The following HDHD5 variants were observed in gnomAD, a reference collection of about 807,000 sequenced individuals.
HDHD5 encodes the protein haloacid dehalogenase-like hydrolase domain-containing 5.
A neutral mutation model predicts 35.5 loss-of-function variants in HDHD5; 34 were observed. The observed-to-expected ratio is 0.96, with a 90% CI of 0.73 to 1.28. The LOEUF (loss-of-function observed/expected upper bound fraction) is 1.28. HDHD5 is among the 50% of genes most tolerant of loss of function. The pLI is 0.00. For missense variants in HDHD5, 589 were observed against 560.2 expected, an observed-to-expected ratio of 1.05 and a Z score of -0.52; for synonymous variants, 248 against 240.6, an observed-to-expected ratio of 1.03 and a Z score of -0.29.
chr22:17,150,897 T>C (rs2061718640), intron 1 of HDHD5, among the ~76,000 whole-genome samples: 1 of 152,220 alleles, frequency 6.6e-6, no homozygotes, highest in Non-Finnish European at 1.5e-5. Context: ...AGTGAATAAT[T>C]CACTAATATT....
upstream of HDHD5, among the ~76,000 whole-genome samples, chr22:17,160,698 C>T (rs2061857729): frequency 6.6e-6 from 1 of 151,602 alleles, no homozygotes; most frequent in Non-Finnish European, 1.5e-5. Flanking sequence ...AAGTAGTTAG[C>T]GGTGTCCTTT....
intron 1 of HDHD5, among the ~76,000 whole-genome samples, chr22:17,157,544 T>G (rs2061812753): frequency 6.6e-6 from 1 of 152,178 alleles, no homozygotes; most frequent in Non-Finnish European, 1.5e-5. Context: ...GCATTCTTCT[T>G]TTTCTGCTCT....
At chr22:17,155,705 T>C (rs563759120) in intron 1 of HDHD5, among the ~76,000 whole-genome samples, 14 of 152,130 alleles carry the variant, frequency 9.2e-5, no homozygotes, top group African/African-American at 3.1e-4. Flanking sequence ...CCCAGTACCA[T>C]AAAAAGTGAA....
intron 1 of HDHD5, among the ~76,000 whole-genome samples, chr22:17,149,991 C>T (rs2061708786): frequency 6.6e-6 from 1 of 152,160 alleles, no homozygotes; most frequent in Non-Finnish European, 1.5e-5. Context: ...GTTGCCCAGA[C>T]TGGAGTACAG....
chr22:17,162,864 A>G (rs553344303), upstream of HDHD5, among the ~76,000 whole-genome samples: 4 of 152,318 alleles, frequency 2.6e-5, no homozygotes, highest in Non-Finnish European at 5.9e-5. Context: ...CCCTAGCTCT[A>G]TCCTTTGGGC....
intron 3 of HDHD5, among the ~76,000 whole-genome samples, chr22:17,146,530 C>T (rs2061665839): frequency 7.5e-6 from 1 of 133,022 alleles, no homozygotes; most frequent in Non-Finnish European, 1.6e-5. Flanking sequence ...CACGTCATCG[C>T]ACACGCCCCA....
intron 1 of HDHD5, among the ~76,000 whole-genome samples, chr22:17,152,683 C>G (rs2061740735): frequency 6.6e-6 from 1 of 152,042 alleles, no homozygotes; most frequent in African/African-American, 2.4e-5. Flanking sequence ...AAGAACAATA[C>G]TACTTAATAA....
At position 17,137,886 on chromosome 22, in the gene HDHD5, G is replaced by A; in HGVS notation, c.*135C>T. ...TGTCTTCTTCCAAGTGACCAGTAAT[G>A]CCACACTCATGGGGCAGCAAGAAGG... On this transcript the variant is annotated 3_prime_UTR_variant, in exon 8 of 8. Coordinates refer to ENST00000336737, the MANE Select transcript of HDHD5 (RefSeq NM_033070.3). The A allele has an allele frequency of 1.5e-6, 1 of 663,616 alleles. No individual in the cohort carries two copies. The highest frequency in any genetic ancestry group is 2.6e-6 in the Non-Finnish European group (1 of 390,112). The allele number at this position is 663,616 out of a possible 1,614,324, so 41.1% of individuals were successfully genotyped here.
chr22:17,144,405 A>G (rs1233923146), intron 4 of HDHD5, among the ~76,000 whole-genome samples: 2 of 144,934 alleles, frequency 1.4e-5, no homozygotes, highest in African/African-American at 2.6e-5. Flanking sequence ...ATGCGCCACC[A>G]TATGTGGCTT....
At chr22:17,159,392 T>G, upstream of HDHD5, 1 of 968,220 alleles carries the variant, frequency 1.0e-6, no homozygotes, top group Non-Finnish European at 1.4e-6. Context: ...GTCGGGCGCC[T>G]ATGGAACTCG....
At position 17,141,181 on chromosome 22, in the gene HDHD5, G is replaced by A. The variant is rs754895790; in HGVS notation, c.624C>T (p.Ile208=). The change falls in exon 6 of 8, where the codon ATC becomes ATT. Residue 208 remains isoleucine (I), a synonymous_variant. Transcript: ENST00000336737. ...PVRWETSLQL[I]MDVLLSNGSP... ...TCCCATTGCTGAGGAGGACATCCAT[G>A]ATCAGCTGCAGGCTGGTCTCCCAGC... 1 of 1,598,142 alleles carries A rather than the reference G, an allele frequency of 6.3e-7. No homozygotes were observed.
intron 5 of HDHD5, chr22:17,141,672 C>A (rs776529498): frequency 1.2e-4 from 110 of 955,118 alleles, no homozygotes; most frequent in Non-Finnish European, 1.3e-4. Context: ...GACTTGAAAC[C>A]CAACCTGGAC....
chr22:17,158,612 CGCCG>C (rs982630584), intron 1 of HDHD5: 9 of 152,366 alleles, frequency 5.9e-5, no homozygotes, highest in African/African-American at 2.2e-4. Context: ...ACACAGCAGG[CGCCG>C]GCTCCAGCCC....
At chr22:17,157,072 C>CGT (rs2061802151) in intron 1 of HDHD5, among the ~76,000 whole-genome samples, 1 of 66,080 alleles carries the variant, frequency 1.5e-5, no homozygotes, top group African/African-American at 6.6e-5. Flanking sequence ...AGCTAGACAC[C>CGT]GTCTCACACA....
At chr22:17,148,284 G>A (rs1240568321) in intron 3 of HDHD5, among the ~76,000 whole-genome samples, 164 bp downstream of exon 3, 1 of 152,130 alleles carries the variant, frequency 6.6e-6, no homozygotes, top group Non-Finnish European at 1.5e-5. Context: ...CACCAGACAT[G>A]AGGACTGACC....
At position 17,149,678 on chromosome 22, in the gene HDHD5, G is replaced by A; in HGVS notation, c.194C>T (p.Pro65Leu). 1 of 1,614,026 alleles carries A rather than the reference G, an allele frequency of 6.2e-7. No individual in the cohort carries two copies. The highest frequency in any genetic ancestry group is 8.5e-7 in the Non-Finnish European group (1 of 1,180,038). The change falls in exon 2 of 8, where the codon CCT (proline) becomes CTT (leucine). Residue 65 changes from proline (P) to leucine (L), a missense_variant. By Grantham distance (98) the Pro-to-Leu change is moderately conservative. Coordinates refer to ENST00000336737, the MANE Select transcript of HDHD5 (RefSeq NM_033070.3). ...CCTTCGGAAGGCTTTCAGAGCAGCA[G>A]GGATCACTCTGTGGCCCCGCACAAG... ...GVLVRGHRVI[P>L]AALKAFRRLV...
At chr22:17,140,116 C>T (rs1175350796) in intron 6 of HDHD5, among the ~76,000 whole-genome samples, 7 of 152,192 alleles carry the variant, frequency 4.6e-5, no homozygotes, top group Admixed American at 6.5e-5. Flanking sequence ...ACTACTGAGA[C>T]GGGCCCTGAG....
At chr22:17,161,879 A>C (rs1038848233), upstream of HDHD5, among the ~76,000 whole-genome samples, 2 of 151,164 alleles carry the variant, frequency 1.3e-5, no homozygotes, top group African/African-American at 4.8e-5. Context: ...TCTCAAAAAA[A>C]AAAAAAGAAA....
chr22:17,156,213 T>C (rs184673443), intron 1 of HDHD5, among the ~76,000 whole-genome samples: 3 of 152,178 alleles, frequency 2.0e-5, no homozygotes, highest in Admixed American at 1.3e-4. Flanking sequence ...TAATGGGACA[T>C]GGTGTGAAGG....
Sources: gnomAD v4.1 joint callset for allele counts (sites outside exome capture counted in the v4.1 genomes callset) on GRCh38, gnomAD v4.1.1 for gene constraint, MANE v1.5 for transcripts, NCBI Gene and HGNC (gene_info 2026-07-23, HGNC 2026-07-21) for gene names.